Variants in TEKT5 observed in about 807,000 individuals in gnomAD.
TEKT5 encodes the protein tektin-5.
Under a neutral mutation model 48.7 loss-of-function variants are expected in TEKT5, and 52 were observed. That is an observed-to-expected ratio of 1.07 (90% CI 0.86 to 1.35). The LOEUF is 1.35. Among genes scored for constraint, TEKT5 ranks in the 40% most tolerant of loss-of-function variants. The pLI is 0.00. For missense variants in TEKT5, 831 were observed against 641.6 expected (o/e 1.30, Z -3.19); for synonymous variants, 318 against 267.6 (o/e 1.19, Z -1.84).
At chr16:10,676,254 T>C in intron 4 of TEKT5, 73 bp from the exon 5 acceptor site, 1 of 1,442,474 alleles carries the variant, frequency 6.9e-7, no homozygotes, top group Admixed American at 1.8e-5. Context: ...GCCTTGGCAG[T>C]CTTGGCCTCT....
intron 5 of TEKT5, among the ~76,000 whole-genome samples, chr16:10,669,413 C>T (rs1029128993): frequency 6.6e-6 from 1 of 151,980 alleles, no homozygotes; most frequent in African/African-American, 2.4e-5. Flanking sequence ...GAGCCGAGAT[C>T]GTGCCACTGC....
At chr16:10,629,808 A>T (rs1243952699) in intron 6 of TEKT5, among the ~76,000 whole-genome samples, 2 of 152,204 alleles carry the variant, frequency 1.3e-5, no homozygotes, top group Non-Finnish European at 2.9e-5. Context: ...TCTGGTGCAG[A>T]CATCTCTGTG....
At chr16:10,631,835 C>T (rs1406008309) in intron 6 of TEKT5, among the ~76,000 whole-genome samples, 1 of 152,102 alleles carries the variant, frequency 6.6e-6, no homozygotes, top group Admixed American at 6.6e-5. Context: ...CTCAGAGCCT[C>T]CAGGAACAGC....
At chr16:10,683,554 ATTTAC>A (rs1389791047) in intron 3 of TEKT5, among the ~76,000 whole-genome samples, 3 of 152,182 alleles carry the variant, frequency 2.0e-5, no homozygotes, top group African/African-American at 7.2e-5. Flanking sequence ...AAACTCGACT[ATTTAC>A]TTATTTTTCC....
In TEKT5 at chr16:10,676,266, G is replaced by A. The variant is rs1195421909; in HGVS notation, c.864-85C>T. The A allele has an allele frequency of 3.0e-6, 4 of 1,327,938 alleles. No individual in the cohort carries two copies. In the African/African-American group the frequency reaches 5.8e-5, roughly 19 times the overall value. 82.3% of individuals were successfully genotyped at this position (1,327,938 alleles called of 1,614,324 possible). ...TCCGCCTTGGCAGTCTTGGCCTCTG[G>A]GTCGGGATTATTCTCTGTCCTGTGC... On this transcript the variant is annotated intron_variant, in intron 4 of 6. Transcript: ENST00000283025.
intron 5 of TEKT5, among the ~76,000 whole-genome samples, chr16:10,665,232 G>A (rs1898438120): frequency 6.6e-6 from 1 of 152,168 alleles, no homozygotes; most frequent in South Asian, 2.1e-4. Context: ...TTAGGGGAAT[G>A]CTGGGGCATA....
rs1352674628 is a variant in TEKT5, at chr16:10,681,987, A to G, written c.863+6T>C. 1 of 1,613,482 alleles carries G rather than the reference A, an allele frequency of 6.2e-7. No individual in the cohort carries two copies. Among genetic ancestry groups the G allele is most frequent in the East Asian group, 2.2e-5 (1 of 44,884 alleles). The stretch of plus-strand genomic sequence containing the variant: ...CAGGGATGGGGAGGGGGAGTCTGAT[A>G]CTTACGTGCCGTCAATTTTCTCCAT... On this transcript the variant is annotated splice_donor_region_variant and intron_variant, in intron 4 of 6. Coordinates refer to ENST00000283025, the MANE Select transcript of TEKT5 (RefSeq NM_144674.2).
intron 5 of TEKT5, among the ~76,000 whole-genome samples, chr16:10,667,171 A>T (rs531369842): frequency 1.2e-4 from 18 of 151,622 alleles, no homozygotes; most frequent in African/African-American, 4.1e-4. Flanking sequence ...TTTTGTAGAA[A>T]CAAGATCTTA....
chr16:10,667,620 G>A (rs1898480379), intron 5 of TEKT5, among the ~76,000 whole-genome samples: 1 of 152,180 alleles, frequency 6.6e-6, no homozygotes. Flanking sequence ...ATTAAATTCT[G>A]TTAAATTTAA....
chr16:10,648,244 T>C (rs912367471), intron 5 of TEKT5, among the ~76,000 whole-genome samples: 1 of 152,206 alleles, frequency 6.6e-6, no homozygotes, highest in Non-Finnish European at 1.5e-5. Flanking sequence ...GACTCTTACA[T>C]GAATCATCTC....
chr16:10,685,076 G>A (rs1199910090), intron 3 of TEKT5, among the ~76,000 whole-genome samples: 2 of 152,232 alleles, frequency 1.3e-5, no homozygotes, highest in Non-Finnish European at 2.9e-5. Context: ...CACAAGCTGT[G>A]AGATGGCAGG....
At chr16:10,693,323 G>A (rs1258227901) in intron 1 of TEKT5, among the ~76,000 whole-genome samples, 1 of 152,182 alleles carries the variant, frequency 6.6e-6, no homozygotes, top group Non-Finnish European at 1.5e-5. Flanking sequence ...TCAAACTCCT[G>A]ACCTCAGGTG....
chr16:10,690,699 C>T (rs1596423258), intron 1 of TEKT5: 1 of 985,452 alleles, frequency 1.0e-6, no homozygotes, highest in Non-Finnish European at 1.2e-6. Flanking sequence ...GGCCTTACAA[C>T]TCTCATGCAG....
At chr16:10,628,950 C>A (rs1241530635) in intron 6 of TEKT5, among the ~76,000 whole-genome samples, 1 of 147,446 alleles carries the variant, frequency 6.8e-6, no homozygotes, top group African/African-American at 2.5e-5. Context: ...CCTGCAACAA[C>A]ATGAATGAAC....
At chr16:10,683,419 A>G (rs1288370817) in intron 3 of TEKT5, among the ~76,000 whole-genome samples, 1 of 152,176 alleles carries the variant, frequency 6.6e-6, no homozygotes, top group Non-Finnish European at 1.5e-5. Context: ...AGAGAGGACA[A>G]TGGATCAGGG....
intron 5 of TEKT5, among the ~76,000 whole-genome samples, chr16:10,649,849 C>T (rs1056407715): frequency 2.6e-5 from 4 of 152,116 alleles, no homozygotes; most frequent in Non-Finnish European, 4.4e-5. Context: ...GCGCTTGGTA[C>T]GTAGATAATG....
chr16:10,636,690 CGTGTGTGTGT>C (rs34623422), intron 5 of TEKT5, among the ~76,000 whole-genome samples: 222 of 145,272 alleles, frequency 1.5e-3, no homozygotes, highest in African/African-American at 4.6e-3. Context: ...TACATACATA[CGTGTGTGTGT>C]GTGTGTGTGT....
chr16:10,662,074 T>C (rs1684692485), intron 5 of TEKT5, among the ~76,000 whole-genome samples: 1 of 152,194 alleles, frequency 6.6e-6, no homozygotes, highest in African/African-American at 2.4e-5. Context: ...TCAGGGTTTC[T>C]TAGCCTTGGC....
chr16:10,674,445 G>A (rs1270836518), intron 5 of TEKT5, among the ~76,000 whole-genome samples: 1 of 151,946 alleles, frequency 6.6e-6, no homozygotes, highest in East Asian at 1.9e-4. Flanking sequence ...ACCAGCCTAA[G>A]CAACATAGCG....
Sources: gnomAD v4.1 joint callset for allele counts (sites outside exome capture counted in the v4.1 genomes callset) on GRCh38, gnomAD v4.1.1 for gene constraint, MANE v1.5 for transcripts, NCBI Gene and HGNC (gene_info 2026-07-23, HGNC 2026-07-21) for gene names.